Variants in DCHS2 observed in about 807,000 individuals in gnomAD.
DCHS2 encodes the protein dachsous cadherin-related 2, also known as protocadherin-23.
A neutral mutation model predicts 182.4 loss-of-function variants in DCHS2; 142 were observed. The ratio of observed to expected loss-of-function variants is 0.78; its 90% confidence interval spans 0.68 to 0.89. The LOEUF is 0.89. DCHS2 is among the 40% of genes least tolerant of loss of function. DCHS2 has a pLI of 0.00. For synonymous variants in DCHS2, 1,740 were observed against 1,663.3 expected (o/e 1.05, Z -1.12); for missense variants, 4,319 against 4,198.6 (o/e 1.03, Z -0.79).
At chr4:154,248,158 G>C (rs1732176424) in intron 16 of DCHS2, among the ~76,000 whole-genome samples, 1 of 152,178 alleles carries the variant, frequency 6.6e-6, no homozygotes, top group Non-Finnish European at 1.5e-5. Context: ...ACTCAGGAAA[G>C]AAACTGGGGG....
At chr4:154,240,990 G>A (rs1731799164) in intron 17 of DCHS2, among the ~76,000 whole-genome samples, 167 bp from the exon 18 acceptor site, 1 of 152,134 alleles carries the variant, frequency 6.6e-6, no homozygotes, top group South Asian at 2.1e-4. Context: ...AAACTCTGAA[G>A]AATTTATGAG....
chr4:154,417,200 TGTGTGAGAGA>T (rs1732884285), intron 1 of DCHS2, among the ~76,000 whole-genome samples: 26 of 47,958 alleles, frequency 5.4e-4, no homozygotes, highest in African/African-American at 1.3e-3. Flanking sequence ...TGTGTGTGTG[TGTGTGAGAGA>T]GAGAGAGAGA....
chr4:154,472,852 A>G (rs1579115231), intron 1 of DCHS2, among the ~76,000 whole-genome samples: 1 of 152,042 alleles, frequency 6.6e-6, no homozygotes, highest in East Asian at 1.9e-4. Context: ...AGAGAATAAA[A>G]TCTCTCAATT....
intron 15 of DCHS2, among the ~76,000 whole-genome samples, chr4:154,257,354 G>C (rs537564100): frequency 1.7e-4 from 26 of 152,192 alleles, no homozygotes; most frequent in Non-Finnish European, 2.8e-4. Context: ...AGATGTATCA[G>C]AAAGACAGTG....
chr4:154,392,942 T>C (rs1287056377), intron 1 of DCHS2, among the ~76,000 whole-genome samples: 1 of 152,208 alleles, frequency 6.6e-6, no homozygotes, highest in Non-Finnish European at 1.5e-5. Flanking sequence ...ATGTGCATAA[T>C]CTTGCATAAT....
chr4:154,324,146 T>C (rs1181298023), intron 7 of DCHS2, among the ~76,000 whole-genome samples: 1 of 152,244 alleles, frequency 6.6e-6, no homozygotes, highest in Non-Finnish European at 1.5e-5. Flanking sequence ...TGTCTTGCTT[T>C]TGTTTTGGAA....
chr4:154,429,333 G>A (rs1733465990), intron 1 of DCHS2, among the ~76,000 whole-genome samples: 1 of 152,100 alleles, frequency 6.6e-6, no homozygotes, highest in South Asian at 2.1e-4. Context: ...CCTTCCTTTT[G>A]TGGGGGACAT....
At chr4:154,321,684 A>T (rs1371773643) in intron 8 of DCHS2, among the ~76,000 whole-genome samples, 2 of 152,230 alleles carry the variant, frequency 1.3e-5, no homozygotes, top group African/African-American at 2.4e-5. Flanking sequence ...CTTAACCCAC[A>T]TACCCTTAAG....
chr4:154,459,523 C>T (rs1189022758), intron 1 of DCHS2, among the ~76,000 whole-genome samples: 1 of 152,148 alleles, frequency 6.6e-6, no homozygotes, highest in African/African-American at 2.4e-5. Flanking sequence ...TGCCAGTCCT[C>T]CCTGTCTGAT....
chr4:154,372,644 A>T (rs920955718), intron 2 of DCHS2, among the ~76,000 whole-genome samples: 21 of 152,206 alleles, frequency 1.4e-4, no homozygotes, highest in Non-Finnish European at 2.9e-4. Flanking sequence ...GGAAACAAAA[A>T]ATTAGATATA....
intron 3 of DCHS2, among the ~76,000 whole-genome samples, chr4:154,342,260 ATCT>A (rs1329945335): frequency 6.6e-6 from 1 of 152,076 alleles, no homozygotes; most frequent in Non-Finnish European, 1.5e-5. Flanking sequence ...GTGAGTGGTA[ATCT>A]TCTTGCTGGT....
chr4:154,316,114 T>C, intron 9 of DCHS2, 127 bp from the exon 10 acceptor site: 1 of 1,415,358 alleles, frequency 7.1e-7, no homozygotes, highest in Non-Finnish European at 9.3e-7. Context: ...AAATATGAAC[T>C]GCATTAAATC....
At chr4:154,407,476 G>C (rs963795216) in intron 1 of DCHS2, among the ~76,000 whole-genome samples, 4 of 152,176 alleles carry the variant, frequency 2.6e-5, no homozygotes, top group African/African-American at 9.6e-5. Context: ...GACATTCCAA[G>C]CTGAACATAC....
chr4:154,273,313 G>A (rs916881625), intron 13 of DCHS2, among the ~76,000 whole-genome samples: 8 of 152,168 alleles, frequency 5.3e-5, no homozygotes, highest in African/African-American at 1.4e-4. Flanking sequence ...ACAGCAACCT[G>A]GATGGAATTG....
chr4:154,290,551 A>G (rs778033220), intron 13 of DCHS2, among the ~76,000 whole-genome samples: 4 of 150,082 alleles, frequency 2.7e-5, no homozygotes, highest in Non-Finnish European at 4.4e-5. Flanking sequence ...CTACAAAACT[A>G]TAGTAACAAA....
chr4:154,395,231 A>G, intron 1 of DCHS2, among the ~76,000 whole-genome samples: 1 of 152,316 alleles, frequency 6.6e-6, no homozygotes, highest in East Asian at 1.9e-4. Flanking sequence ...TCTTTCCACA[A>G]CATTCATAAA....
At chr4:154,415,185 A>C (rs1732785835) in intron 1 of DCHS2, among the ~76,000 whole-genome samples, 1 of 152,248 alleles carries the variant, frequency 6.6e-6, no homozygotes, top group Admixed American at 6.5e-5. Context: ...CTAACCATAA[A>C]AATTTTTTCA....
intron 5 of DCHS2, among the ~76,000 whole-genome samples, chr4:154,330,623 A>G (rs193131768): frequency 1.5e-3 from 224 of 152,308 alleles, no homozygotes; most frequent in African/African-American, 5.1e-3. Flanking sequence ...GCTACCGACA[A>G]ACATTTCTGT....
intron 1 of DCHS2, among the ~76,000 whole-genome samples, chr4:154,462,105 C>G (rs900966817): frequency 6.6e-6 from 1 of 152,176 alleles, no homozygotes; most frequent in African/African-American, 2.4e-5. Context: ...CTTCCCTTCT[C>G]TTCAGTACAA....
Sources: allele counts gnomAD v4.1 joint callset (sites outside exome capture counted in the v4.1 genomes callset), GRCh38; gene constraint gnomAD v4.1.1; transcripts MANE v1.5; gene names NCBI Gene and HGNC (gene_info 2026-07-23, HGNC 2026-07-21).